Variants in CMTM4 observed in about 807,000 individuals in gnomAD.
The protein encoded by CMTM4 is CKLF-like MARVEL transmembrane domain-containing protein 4.
A neutral mutation model predicts 19.0 loss-of-function variants in CMTM4; 8 were observed. That is an observed-to-expected ratio of 0.42 (90% CI 0.25 to 0.76). The LOEUF (loss-of-function observed/expected upper bound fraction) is 0.76. Ranked by LOEUF, CMTM4 falls within the 30% of genes least tolerant of loss-of-function variation. The pLI is 0.27. For synonymous variants in CMTM4, 106 were observed against 121.1 expected (o/e 0.88, Z 0.82); for missense variants, 228 against 290.2 (o/e 0.79, Z 1.56).
chr16:66,652,535 T>C (rs1355200087), intron 1 of CMTM4, among the ~76,000 whole-genome samples: 1 of 152,266 alleles, frequency 6.6e-6, no homozygotes, highest in East Asian at 1.9e-4. Context: ...AGTTGAACTT[T>C]GGACATTGCA....
In CMTM4 at chr16:66,622,287, G is replaced by T. The variant is rs2015654612; in HGVS notation, c.463-65C>A. The T allele has an allele frequency of 1.3e-6, 2 of 1,561,140 alleles. No individual in the cohort carries two copies. Among genetic ancestry groups the T allele is most frequent in the South Asian group, 2.4e-5 (2 of 84,932 alleles). On this transcript the variant is annotated intron_variant, in intron 3 of 3. Transcript: ENST00000394106. This position sits in a 1 kb window ranked among gnomAD's most constrained non-coding sequence, Gnocchi z 4.0. The stretch of plus-strand genomic sequence containing the variant: ...CCTGGCCCCTCAAGGCTTCTGTGGT[G>T]ACCCAAGCCACATGCAGCCCCTTCC...
At chr16:66,693,792 G>A (rs1465058218) in intron 1 of CMTM4, among the ~76,000 whole-genome samples, 3 of 152,166 alleles carry the variant, frequency 2.0e-5, no homozygotes, top group Non-Finnish European at 1.5e-5. Context: ...AGGCCGAGGC[G>A]GGCAGATGAC....
At chr16:66,655,841 G>T (rs568651854) in intron 1 of CMTM4, among the ~76,000 whole-genome samples, 37 of 152,242 alleles carry the variant, frequency 2.4e-4, no homozygotes, top group African/African-American at 7.2e-4. Context: ...AGTTTGGCCG[G>T]GTGCAGTGGT....
intron 1 of CMTM4, among the ~76,000 whole-genome samples, chr16:66,691,666 A>G (rs561522014): frequency 6.6e-6 from 1 of 152,204 alleles, no homozygotes; most frequent in African/African-American, 2.4e-5. Flanking sequence ...GTACCACTGC[A>G]CTCCAGCCTG....
At chr16:66,654,197 AT>A (rs2144846442) in intron 1 of CMTM4, among the ~76,000 whole-genome samples, 1 of 152,262 alleles carries the variant, frequency 6.6e-6, no homozygotes, top group South Asian at 2.1e-4. Flanking sequence ...TTTAATCCCC[AT>A]CCTATTGACA....
Position 66,622,943 on chromosome 16 carries a change from AG to A in CMTM4, c.462+460del, listed in dbSNP as rs1159693811. On this transcript the variant is annotated intron_variant, in intron 3 of 3. Coordinates refer to ENST00000394106, the MANE Select transcript of CMTM4 (RefSeq NM_181521.3). The surrounding 1 kb of genome is among the most constrained non-coding windows in gnomAD (Gnocchi z 4.0). Reference sequence around the variant, plus strand: ...CAATACAGAAATGCAGGGCATGGAGAGGGGAAGTCCTACATTATCTGGTCCC... The same window carrying A: ...CAATACAGAAATGCAGGGCATGGAGAGGGAAGTCCTACATTATCTGGTCCC... Among the ~76,000 whole-genome samples the A allele has an allele frequency of 1.3e-5, 2 of 152,222 alleles. No homozygotes were observed. Among genetic ancestry groups the A allele is most frequent in the Admixed American group, 6.5e-5 (1 of 15,286 alleles).
intron 1 of CMTM4, among the ~76,000 whole-genome samples, chr16:66,691,492 C>T (rs541746007): frequency 1.3e-5 from 2 of 152,078 alleles, no homozygotes; most frequent in East Asian, 1.9e-4. Flanking sequence ...CTTGAGCTCA[C>T]GAGTTTGAAA....
Position 66,680,794 on chromosome 16 carries a change from A to C in CMTM4, c.186+15546T>G, listed in dbSNP as rs1013377313. On this transcript the variant is annotated intron_variant, in intron 1 of 3. Transcript: ENST00000394106. ...GTCTCAAAAAAAAAAAAAAAAAAAA[A>C]AAAAAACCATAATGGCCACCTCCAC... Among the ~76,000 whole-genome samples the C allele has an allele frequency of 2.7e-4, 40 of 150,582 alleles. 1 individual carries two copies. The highest frequency in any genetic ancestry group is 9.2e-4 in the African/African-American group (38 of 41,224).
chr16:66,684,098 T>C (rs1314729427), intron 1 of CMTM4, among the ~76,000 whole-genome samples: 1 of 152,162 alleles, frequency 6.6e-6, no homozygotes, highest in Non-Finnish European at 1.5e-5. Context: ...CTGCTTAATG[T>C]AAGCAGAAAT....
intron 3 of CMTM4, 41 bp downstream of exon 3, chr16:66,623,363 G>A (rs763082850): frequency 2.0e-6 from 3 of 1,481,926 alleles, no homozygotes; most frequent in South Asian, 2.3e-5. Context: ...GTCACAGGAG[G>A]TCCCCAGATC....
At chr16:66,637,789 C>A (rs144046139) in intron 1 of CMTM4, among the ~76,000 whole-genome samples, 17 of 152,336 alleles carry the variant, frequency 1.1e-4, no homozygotes, top group African/African-American at 1.7e-4. Flanking sequence ...TCAGTGGCAT[C>A]TGAAGCCTAT....
chr16:66,610,631 C>T (rs1223968362), downstream of CMTM4, among the ~76,000 whole-genome samples: 2 of 152,112 alleles, frequency 1.3e-5, 1 homozygote, highest in South Asian at 4.1e-4. The surrounding 1 kb of genome is among the most constrained non-coding windows in gnomAD (Gnocchi z 4.6). Context: ...GAGACCAGGC[C>T]GGTGTAGGGA....
the CMTM4 span, among the ~76,000 whole-genome samples, chr16:66,603,103 T>G: frequency 6.6e-6 from 1 of 152,148 alleles, no homozygotes. Flanking sequence ...TTGAGGGTCT[T>G]GCAGAGTCTT....
At chr16:66,692,563 T>G (rs79953441) in intron 1 of CMTM4, among the ~76,000 whole-genome samples, 178 of 152,296 alleles carry the variant, frequency 1.2e-3, no homozygotes, top group African/African-American at 4.1e-3. Flanking sequence ...AAGGCCAAAC[T>G]TGGAATAGCA....
Position 66,618,079 on chromosome 16 carries a change from G to A in CMTM4, c.*3979C>T, listed in dbSNP as rs148503631. 1.1e-4 allele frequency: 106 copies of A among 985,468 alleles called. No individual in the cohort carries two copies. In the East Asian group the frequency reaches 7.6e-3, roughly 71 times the overall value. The allele number at this position is 985,468 out of a possible 1,614,324, so 61.0% of individuals were successfully genotyped here. On this transcript the variant is annotated 3_prime_UTR_variant, in exon 4 of 4. Coordinates refer to ENST00000394106, the MANE Select transcript of CMTM4 (RefSeq NM_181521.3). ...CTACCAAGCTGTTGGGCCTGGACGT[G>A]GGTGCTGATAAAATAAGACAAACCT...
rs922870450 is a variant in CMTM4 at position 66,696,475 on chromosome 16, G to A, written c.51C>T (p.Thr17=). ...LDGFEGEASS[T]SMISGASSPY... is the part of the protein sequence containing the mutation. ...GGCTGCTGGCGCCCGAGATCATGGA[G>A]GTGCTCGAGGCCTCGCCCTCGAAGC... The change falls in exon 1 of 4, where the codon ACC becomes ACT. Residue 17 remains threonine, a synonymous_variant. Coordinates refer to ENST00000394106, the MANE Select transcript of CMTM4 (RefSeq NM_181521.3). This position sits in a 1 kb window ranked among gnomAD's most constrained non-coding sequence, Gnocchi z 4.3. The A allele has an allele frequency of 5.2e-5, 67 of 1,290,638 alleles. No individual in the cohort carries two copies. Among genetic ancestry groups the A allele is most frequent in the Non-Finnish European group, 6.3e-5 (64 of 1,017,122 alleles). 79.9% of individuals were successfully genotyped at this position (1,290,638 alleles called of 1,614,324 possible). A position where few individuals can be genotyped will look rare whatever the true frequency, so the allele number is the denominator to read the frequency against.
rs149520986 is a variant in CMTM4, at chr16:66,680,533, G to A, written c.186+15807C>T. ...CTCATGCCTGTAATCCCAGCGCTTC[G>A]GGAGGCCAAGGCGGGCAGATCACGA... On this transcript the variant is annotated intron_variant, in intron 1 of 3. Coordinates refer to ENST00000394106, the MANE Select transcript of CMTM4 (RefSeq NM_181521.3). 6.5e-3 allele frequency among the ~76,000 whole-genome samples: 984 copies of A among 151,128 alleles called. 5 individuals carry two copies. The highest frequency in any genetic ancestry group is 0.02 in the African/African-American group (841 of 41,090).
intron 1 of CMTM4, among the ~76,000 whole-genome samples, chr16:66,689,217 GCATT>G (rs977215092): frequency 2.6e-5 from 4 of 152,156 alleles, no homozygotes; most frequent in African/African-American, 9.7e-5. Flanking sequence ...ATGGGGGAAA[GCATT>G]CATTCTTTCC....
Position 66,696,009 on chromosome 16 carries a change from G to C in CMTM4, c.186+331C>G, listed in dbSNP as rs894485584. Among the ~76,000 whole-genome samples, 2 of 152,222 alleles carry C rather than the reference G, an allele frequency of 1.3e-5. No homozygotes were observed. The highest frequency in any genetic ancestry group is 4.8e-5 in the African/African-American group (2 of 41,470). ...AGGTTGCTAAGACCAGCTGTACCCA[G>C]GAGACAGCAGGATTCCCAGCAGCAC... On this transcript the variant is annotated intron_variant, in intron 1 of 3. Transcript: ENST00000394106. The surrounding 1 kb of genome is among the most constrained non-coding windows in gnomAD (Gnocchi z 4.3).
Sources: allele counts gnomAD v4.1 joint callset (sites outside exome capture counted in the v4.1 genomes callset), GRCh38; gene constraint gnomAD v4.1.1; non-coding constraint Gnocchi (gnomAD v3.1); transcripts MANE v1.5; gene names NCBI Gene and HGNC (gene_info 2026-07-23, HGNC 2026-07-21).